TENM2: variants seen among roughly 807,000 people sequenced by gnomAD.
The protein encoded by TENM2 is teneurin-2.
TENM2 carries 52 observed loss-of-function variants against 245.2 expected under a neutral mutation model. The observed-to-expected ratio is 0.21, with a 90% CI of 0.17 to 0.27. The LOEUF is 0.27. Among genes scored for constraint, TENM2 ranks in the 10% least tolerant of loss-of-function variants. The probability of loss-of-function intolerance (pLI) is 1.00; values close to 1 mark genes in which losing one functional copy is unlikely to be tolerated. For missense variants in TENM2, 3,046 were observed against 3,666.8 expected (o/e 0.83, Z 4.37); for synonymous variants, 1,363 against 1,438.9 (o/e 0.95, Z 1.19).
chr5:167,355,705 A>T (rs1016729866), intron 1 of TENM2, among the ~76,000 whole-genome samples: 1 of 152,142 alleles, frequency 6.6e-6, no homozygotes, highest in African/African-American at 2.4e-5. Flanking sequence ...GATAGTGCAA[A>T]TGTTTTTCAT....
chr5:167,354,517 C>T (rs1474538955), intron 1 of TENM2, among the ~76,000 whole-genome samples: 1 of 152,238 alleles, frequency 6.6e-6, no homozygotes, highest in East Asian at 1.9e-4. Flanking sequence ...CCCCCATCTT[C>T]CAGTATTCTA....
intron 3 of TENM2, among the ~76,000 whole-genome samples, chr5:167,935,213 G>C (rs1423126816): frequency 1.3e-5 from 2 of 152,160 alleles, no homozygotes; most frequent in South Asian, 2.1e-4. Flanking sequence ...ACTCTTGTTA[G>C]GATTCTCACA....
intron 1 of TENM2, among the ~76,000 whole-genome samples, chr5:167,350,601 TA>T (rs1238204917): frequency 3.9e-5 from 5 of 129,628 alleles, no homozygotes; most frequent in African/African-American, 1.3e-4. Context: ...TATATATGGA[TA>T]TATATATATG....
intron 3 of TENM2, among the ~76,000 whole-genome samples, chr5:167,912,692 G>T (rs1437203901): frequency 2.6e-5 from 4 of 152,170 alleles, no homozygotes; most frequent in Non-Finnish European, 5.9e-5. Context: ...TCTGTGGAAT[G>T]ACTTTGGAGG....
chr5:168,018,222 C>G (rs1359894536), intron 5 of TENM2, among the ~76,000 whole-genome samples: 2 of 152,198 alleles, frequency 1.3e-5, no homozygotes, highest in East Asian at 3.8e-4. Flanking sequence ...CTTCTCCTCT[C>G]CACATTAAGT....
intron 2 of TENM2, among the ~76,000 whole-genome samples, chr5:167,416,854 G>T (rs1581982238): frequency 6.6e-6 from 1 of 151,682 alleles, no homozygotes; most frequent in Non-Finnish European, 1.5e-5. Context: ...GTGTATAATC[G>T]ATCGCTTTTA....
chr5:167,740,587 G>A (rs983996401), intron 2 of TENM2, among the ~76,000 whole-genome samples: 6 of 152,188 alleles, frequency 3.9e-5, no homozygotes, highest in Non-Finnish European at 8.8e-5. Flanking sequence ...GCCTCTCTCT[G>A]TTCTTTTGTA....
chr5:168,105,813 G>A (rs1252347723), intron 9 of TENM2, among the ~76,000 whole-genome samples: 1 of 152,106 alleles, frequency 6.6e-6, no homozygotes, highest in Non-Finnish European at 1.5e-5. Context: ...ACGGTTTTTT[G>A]TTATTACTAT....
At chr5:167,155,859 T>C in the TENM2 span, among the ~76,000 whole-genome samples, 2 of 152,196 alleles carry the variant, frequency 1.3e-5, no homozygotes, top group Non-Finnish European at 2.9e-5. Context: ...GTGTGGAAAA[T>C]GGCAATAGGT....
At chr5:167,961,201 A>G (rs1583494154) in intron 4 of TENM2, among the ~76,000 whole-genome samples, 1 of 152,198 alleles carries the variant, frequency 6.6e-6, no homozygotes, top group East Asian at 1.9e-4. Context: ...TACAATCTTA[A>G]TCTTTAAAGG....
the TENM2 span, among the ~76,000 whole-genome samples, chr5:167,055,924 A>G: frequency 6.6e-6 from 1 of 151,928 alleles, no homozygotes; most frequent in Non-Finnish European, 1.5e-5. Context: ...TTATTGCATT[A>G]GCTAGGTTTT....
intron 13 of TENM2, among the ~76,000 whole-genome samples, chr5:168,185,724 G>A (rs766228619): frequency 2.5e-4 from 38 of 151,386 alleles, no homozygotes; most frequent in Admixed American, 5.3e-4. Context: ...ACCTATCACT[G>A]TTTGGAAATT....
intron 25 of TENM2, among the ~76,000 whole-genome samples, chr5:168,236,987 TATATATATATA>T (rs2152661347): frequency 1.8e-4 from 1 of 5,656 alleles, no homozygotes; most frequent in Non-Finnish European, 3.4e-4. Flanking sequence ...TATATATATA[TATATATATATA>T]TATTTTTTTT....
chr5:167,480,292 G>A (rs1045046283), intron 2 of TENM2, among the ~76,000 whole-genome samples: 2 of 152,080 alleles, frequency 1.3e-5, no homozygotes, highest in African/African-American at 2.4e-5. Flanking sequence ...TTACACAAAC[G>A]GCTGCCTGGC....
chr5:167,747,215 T>C (rs1030462746), intron 2 of TENM2, among the ~76,000 whole-genome samples: 3 of 152,068 alleles, frequency 2.0e-5, no homozygotes, highest in Non-Finnish European at 4.4e-5. Flanking sequence ...GGAGGAAGAA[T>C]TCCCAGTGGG....
the TENM2 span, among the ~76,000 whole-genome samples, chr5:167,140,052 CA>C: frequency 1.3e-5 from 2 of 152,082 alleles, no homozygotes; most frequent in African/African-American, 4.8e-5. Flanking sequence ...TAAAGTTACT[CA>C]ACTAAAACGT....
At chr5:167,791,939 TC>T (rs1765006104) in intron 2 of TENM2, among the ~76,000 whole-genome samples, 1 of 152,110 alleles carries the variant, frequency 6.6e-6, no homozygotes, top group Non-Finnish European at 1.5e-5. Context: ...CCATACTCCA[TC>T]CACTCTCTCA....
chr5:167,339,598 A>G (rs1333138474), intron 1 of TENM2, among the ~76,000 whole-genome samples: 1 of 150,620 alleles, frequency 6.6e-6, no homozygotes, highest in African/African-American at 2.5e-5. Flanking sequence ...TTCCTTTTTC[A>G]ATTCATTTTT....
At chr5:167,872,561 AG>A (rs1773069842) in intron 2 of TENM2, among the ~76,000 whole-genome samples, 1 of 54,350 alleles carries the variant, frequency 1.8e-5, no homozygotes, top group Non-Finnish European at 6.3e-5. Context: ...AAAGAAAGAA[AG>A]AAAGAAAGAA....
Sources: allele counts gnomAD v4.1 joint callset (sites outside exome capture counted in the v4.1 genomes callset), GRCh38; gene constraint gnomAD v4.1.1; transcripts MANE v1.5; gene names NCBI Gene and HGNC (gene_info 2026-07-23, HGNC 2026-07-21).